Variants in THTPA observed in about 807,000 individuals in gnomAD.
THTPA encodes thiamine triphosphatase, also known as thiamine-triphosphatase.
A neutral mutation model predicts 16.5 loss-of-function variants in THTPA; 16 were observed. That is an observed-to-expected ratio of 0.97 (90% CI 0.66 to 1.47). The LOEUF is 1.47. Among genes scored for constraint, THTPA ranks in the 40% most tolerant of loss-of-function variants. THTPA has a pLI of 0.00. For missense variants in THTPA, 281 were observed against 280.9 expected, an observed-to-expected ratio of 1.00 and a Z score of 0.00; for synonymous variants, 110 against 115.5, an observed-to-expected ratio of 0.95 and a Z score of 0.30.
chr14:23,546,079 G>A, the THTPA span, among the ~76,000 whole-genome samples: 11 of 152,198 alleles, frequency 7.2e-5, no homozygotes, highest in Non-Finnish European at 1.6e-4. The surrounding 1 kb of genome is among the most constrained non-coding windows in gnomAD (Gnocchi z 4.7). Context: ...CATACATGAA[G>A]TTAAATTCCT....
At chr14:23,520,287 A>G in the THTPA span, among the ~76,000 whole-genome samples, 1 of 152,018 alleles carries the variant, frequency 6.6e-6, no homozygotes, top group East Asian at 1.9e-4. The surrounding 1 kb of genome is among the most constrained non-coding windows in gnomAD (Gnocchi z 8.7). Context: ...TTAACGGAGA[A>G]GCTGGGCTGG....
chr14:23,532,961 A>G, the THTPA span: 1 of 1,536,186 alleles, frequency 6.5e-7, no homozygotes, highest in South Asian at 1.2e-5. Flanking sequence ...CTGGCACACT[A>G]GGCAGCGGAA....
At chr14:23,552,257 C>T (rs1292481141), upstream of THTPA, among the ~76,000 whole-genome samples, 2 of 150,134 alleles carry the variant, frequency 1.3e-5, no homozygotes, top group Non-Finnish European at 3.0e-5. Flanking sequence ...TCCTCCTCAT[C>T]TTCAGTTTAT....
chr14:23,535,693 A>G, the THTPA span, among the ~76,000 whole-genome samples: 26 of 152,104 alleles, frequency 1.7e-4, no homozygotes, highest in African/African-American at 6.3e-4. The surrounding 1 kb of genome is among the most constrained non-coding windows in gnomAD (Gnocchi z 4.5). Flanking sequence ...CCTGGGTTCA[A>G]GTGATTCTCC....
At chr14:23,547,416 A>G in the THTPA span, among the ~76,000 whole-genome samples, 1 of 152,206 alleles carries the variant, frequency 6.6e-6, no homozygotes, top group South Asian at 2.1e-4. Context: ...TGGGGATGCT[A>G]CTTTTAATTC....
the THTPA span, among the ~76,000 whole-genome samples, chr14:23,527,349 C>T: frequency 6.6e-6 from 1 of 152,188 alleles, no homozygotes; most frequent in Non-Finnish European, 1.5e-5. Flanking sequence ...TCTCTAAAAT[C>T]CAACTTCAAA....
chr14:23,523,118 G>T, the THTPA span: 2 of 1,401,120 alleles, frequency 1.4e-6, no homozygotes, highest in African/African-American at 1.4e-5. The surrounding 1 kb of genome is among the most constrained non-coding windows in gnomAD (Gnocchi z 4.1). Flanking sequence ...ATTGGGCATG[G>T]GAAGAATCAG....
chr14:23,545,748 G>A, the THTPA span, among the ~76,000 whole-genome samples: 3 of 152,188 alleles, frequency 2.0e-5, no homozygotes, highest in African/African-American at 7.2e-5. Flanking sequence ...GGGAAATGCA[G>A]ACAACTGTGA....
At chr14:23,534,637 C>T in the THTPA span, 1 of 1,536,170 alleles carries the variant, frequency 6.5e-7, no homozygotes, top group Non-Finnish European at 8.7e-7. This position sits in a 1 kb window ranked among gnomAD's most constrained non-coding sequence, Gnocchi z 4.5. Flanking sequence ...CACGTGGTTG[C>T]CCCCGCTGTT....
At chr14:23,530,075 G>C in the THTPA span, 3 of 1,476,744 alleles carry the variant, frequency 2.0e-6, no homozygotes, top group South Asian at 3.6e-5. Context: ...TCCCGTGAGC[G>C]TCTCAGAAGG....
the THTPA span, among the ~76,000 whole-genome samples, chr14:23,527,970 G>C: frequency 1.4e-5 from 2 of 145,136 alleles, no homozygotes; most frequent in African/African-American, 5.2e-5. Flanking sequence ...GCAGTGACGT[G>C]ATCTCGGCTC....
At chr14:23,532,040 T>G in the THTPA span, 1 of 198,396 alleles carries the variant, frequency 5.0e-6, no homozygotes, top group African/African-American at 2.3e-5. Flanking sequence ...CCTCCCAAAG[T>G]GCCGGGACTA....
chr14:23,522,476 T>A, the THTPA span: 1 of 1,535,298 alleles, frequency 6.5e-7, no homozygotes, highest in East Asian at 2.4e-5. Flanking sequence ...GGGTGGCGGC[T>A]GGAGGAGGGC....
chr14:23,532,426 C>T, the THTPA span: 7 of 1,029,640 alleles, frequency 6.8e-6, no homozygotes, highest in African/African-American at 1.6e-5. Context: ...TACCCTGGTA[C>T]ATATGTCATT....
chr14:23,531,638 G>C, the THTPA span: 1 of 1,519,118 alleles, frequency 6.6e-7, no homozygotes, highest in Non-Finnish European at 8.8e-7. Context: ...CAGCCAAGCG[G>C]GAGGGTGTCT....
chr14:23,554,847 G>A (rs118095457), upstream of THTPA, among the ~76,000 whole-genome samples: 1,531 of 152,220 alleles, frequency 0.01, 16 homozygotes, highest in Non-Finnish European at 0.016. Context: ...GGTTCCTCAG[G>A]GAGCTTCCTC....
chr14:23,549,166 A>G, the THTPA span, among the ~76,000 whole-genome samples: 1 of 152,038 alleles, frequency 6.6e-6, no homozygotes. Context: ...CTGTATTGCT[A>G]TCAACACGTT....
At chr14:23,543,349 T>C in the THTPA span, 54 of 152,362 alleles carry the variant, frequency 3.5e-4, no homozygotes, top group African/African-American at 1.3e-3. Context: ...AGAGTTGAGA[T>C]TGGAACTCAG....
the THTPA span, chr14:23,528,923 G>T: frequency 6.8e-5 from 53 of 783,180 alleles, no homozygotes; most frequent in Admixed American, 1.9e-4. Flanking sequence ...AAAGGAAGGG[G>T]ATCCAGATGC....
Sources: gnomAD v4.1 joint callset for allele counts (sites outside exome capture counted in the v4.1 genomes callset) on GRCh38, gnomAD v4.1.1 for gene constraint, Gnocchi (gnomAD v3.1) non-coding constraint, MANE v1.5 for transcripts, NCBI Gene and HGNC (gene_info 2026-07-23, HGNC 2026-07-21) for gene names.